DDX39A: variants seen among roughly 807,000 people sequenced by gnomAD.
DDX39A encodes ATP-dependent RNA helicase DDX39A.
Under a neutral mutation model 46.3 loss-of-function variants are expected in DDX39A, and 13 were observed. The observed-to-expected ratio is 0.28, with a 90% CI of 0.18 to 0.45. The LOEUF (loss-of-function observed/expected upper bound fraction) is 0.45. Ranked by LOEUF, DDX39A falls within the 20% of genes least tolerant of loss-of-function variation. The pLI, the probability that DDX39A is intolerant of heterozygous loss-of-function variation, is 1.00. For synonymous variants in DDX39A, 234 were observed against 224.6 expected (o/e 1.04, Z -0.38); for missense variants, 352 against 581.8 (o/e 0.61, Z 4.06).
Position 14,410,730 on chromosome 19 carries a change from C to G in DDX39A, c.613+259G>C. ...GGCCTGGAACCAACCCAACAGGTGG[C>G]AGAAGCCTCATACTCCCAGAGGTAT... On this transcript the variant is annotated intron_variant, in intron 5 of 10. Transcript: ENST00000242776. The surrounding 1 kb of genome is among the most constrained non-coding windows in gnomAD (Gnocchi z 4.3). 2 of 525,770 alleles carry G rather than the reference C, an allele frequency of 3.8e-6. No individual in the cohort carries two copies. The highest frequency in any genetic ancestry group is 3.1e-5 in the East Asian group (1 of 31,758). 32.6% of individuals were successfully genotyped at this position (525,770 alleles called of 1,614,324 possible).
Position 14,411,640 on chromosome 19 carries a change from T to C in DDX39A, c.337-42A>G, listed in dbSNP as rs1488857500. 2.6e-6 allele frequency: 4 copies of C among 1,568,262 alleles called. No homozygotes were observed. Among genetic ancestry groups the C allele is most frequent in the African/African-American group, 1.4e-5 (1 of 73,774 alleles). Reference sequence around the variant, plus strand: ...GAAGAGGGCCTTACCTTAGGCAGTGTCCTAAACCCCTTCCCCACCAGAGTC... The same window carrying C: ...GAAGAGGGCCTTACCTTAGGCAGTGCCCTAAACCCCTTCCCCACCAGAGTC... On this transcript the variant is annotated intron_variant, in intron 3 of 10. Transcript: ENST00000242776. This position sits in a 1 kb window ranked among gnomAD's most constrained non-coding sequence, Gnocchi z 4.1.
chr19:14,413,160 C>G lies in DDX39A; in HGVS notation c.61G>C (p.Ala21Pro), dbSNP rs749603588. The G allele has an allele frequency of 1.2e-6, 2 of 1,614,050 alleles. No individual in the cohort carries two copies. The highest frequency in any genetic ancestry group is 1.7e-5 in the Admixed American group (1 of 60,004). The change falls in exon 2 of 11, where the codon GCT (alanine) becomes CCT (proline). Residue 21 changes from alanine (A) to proline (P), a missense_variant. Ala to Pro is a conservative substitution (Grantham distance 27). Transcript: ENST00000242776. ...GGAGCTGGTGTGCTCTCTTGAGGAG[C>G]CTGGGGCTCTTCCTCTTCATCGTAA... ...LDYDEEEEPQ[A>P]PQESTPAPPK...
intron 1 of DDX39A, chr19:14,418,994 C>T (rs1419894585): frequency 2.2e-6 from 1 of 456,160 alleles, no homozygotes; most frequent in Non-Finnish European, 4.4e-6. Flanking sequence ...TGACAGACTC[C>T]AAGTGGGGCT....
In DDX39A at chr19:14,409,492, C is replaced by G. The variant is rs777924695; in HGVS notation, c.974+44G>C. On this transcript the variant is annotated intron_variant, in intron 8 of 10. Coordinates refer to ENST00000242776, the MANE Select transcript of DDX39A (RefSeq NM_005804.4). The surrounding 1 kb of genome is among the most constrained non-coding windows in gnomAD (Gnocchi z 8.3). ...AGTGGAGGCCGTCAGACACTGGGCT[C>G]CTGGTGGTGCTCCCTGCAGCCTTGG... is the stretch of plus-strand genomic sequence containing the variant. 4 of 1,611,754 alleles carry G rather than the reference C, an allele frequency of 2.5e-6. No homozygotes were observed. The South Asian group carries it at 3.3e-5, about 13-fold the overall frequency.
In DDX39A at chr19:14,408,807, T is replaced by G; in HGVS notation, c.*129A>C. Reference sequence around the variant, plus strand: ...CAAGATGACCAAGAAATAGATGGGGTGGGAGCCAGGCTTCCATAATAACAA... The same window carrying G: ...CAAGATGACCAAGAAATAGATGGGGGGGGAGCCAGGCTTCCATAATAACAA... On this transcript the variant is annotated 3_prime_UTR_variant, in exon 11 of 11. Coordinates refer to ENST00000242776, the MANE Select transcript of DDX39A (RefSeq NM_005804.4). The G allele has an allele frequency of 7.4e-7, 1 of 1,359,710 alleles. No homozygotes were observed. The highest frequency in any genetic ancestry group is 1.6e-5 in the South Asian group (1 of 63,970). The allele number at this position is 1,359,710 out of a possible 1,614,324, so 84.2% of individuals were successfully genotyped here.
At chr19:14,414,325 T>TTTTTTATTATTA (rs1395863016) in intron 1 of DDX39A, among the ~76,000 whole-genome samples, 9 of 133,518 alleles carry the variant, frequency 6.7e-5, no homozygotes, top group Non-Finnish European at 1.1e-4. Flanking sequence ...TATCACCTGT[T>TTTTTTATTATTA]TTATTATTAT....
Position 14,411,481 on chromosome 19 carries a change from G to A in DDX39A, c.429+25C>T. ...AGCTGCAGAAACCAAGTGGCGCCTG[G>A]TCCAGTCTGGCCCGAGGGACTCACC... On this transcript the variant is annotated intron_variant, in intron 4 of 10. Coordinates refer to ENST00000242776, the MANE Select transcript of DDX39A (RefSeq NM_005804.4). This position sits in a 1 kb window ranked among gnomAD's most constrained non-coding sequence, Gnocchi z 4.1. The A allele has an allele frequency of 6.2e-7, 1 of 1,602,068 alleles. No homozygotes were observed. Among genetic ancestry groups the A allele is most frequent in the Non-Finnish European group, 8.6e-7 (1 of 1,169,318 alleles).
chr19:14,410,303 G>A lies in DDX39A; in HGVS notation c.645C>T (p.Arg215=). The change falls in exon 6 of 11, where the codon CGC becomes CGT. Residue 215 remains arginine (R), a synonymous_variant. Coordinates refer to ENST00000242776, the MANE Select transcript of DDX39A (RefSeq NM_005804.4). The surrounding 1 kb of genome is among the most constrained non-coding windows in gnomAD (Gnocchi z 4.3). ...TGCACTGCTTCTCGTGTGGTGTCAG[G>A]CGGAAGATCTCCTGCACATCCCGCC... ...DMRRDVQEIF[R]LTPHEKQCMM... 1 of 1,614,128 alleles carries A rather than the reference G, an allele frequency of 6.2e-7. No individual in the cohort carries two copies. The highest frequency in any genetic ancestry group is 8.5e-7 in the Non-Finnish European group (1 of 1,180,010).
At chr19:14,413,307 C>T (rs1040803002) in intron 1 of DDX39A, 83 bp from the exon 2 acceptor site, 9 of 1,292,118 alleles carry the variant, frequency 7.0e-6, no homozygotes, top group East Asian at 4.9e-5. Context: ...TCTGCCGCCT[C>T]CTTCCATGAG....
chr19:14,411,347 A>G lies in DDX39A; in HGVS notation c.429+159T>C. The G allele has an allele frequency of 2.0e-6, 2 of 985,962 alleles. No individual in the cohort carries two copies. The highest frequency in any genetic ancestry group is 3.0e-6 in the Non-Finnish European group (2 of 663,784). 61.1% of individuals were successfully genotyped at this position (985,962 alleles called of 1,614,324 possible). The stretch of plus-strand genomic sequence containing the variant: ...GGACCTGCGCAGGCCCCTGGGAGCC[A>G]TGCATAATTCATCAGGCTTTTAAGG... On this transcript the variant is annotated intron_variant, in intron 4 of 10. Transcript: ENST00000242776. The surrounding 1 kb of genome is among the most constrained non-coding windows in gnomAD (Gnocchi z 4.1).
In DDX39A at chr19:14,411,448, G is replaced by A; in HGVS notation, c.429+58C>T. On this transcript the variant is annotated intron_variant, in intron 4 of 10. Coordinates refer to ENST00000242776, the MANE Select transcript of DDX39A (RefSeq NM_005804.4). The surrounding 1 kb of genome is among the most constrained non-coding windows in gnomAD (Gnocchi z 4.1). ...AAATGCTGGCTGGGCCAGAGCCGAG[G>A]CTAACAAAGCTGCAGAAACCAAGTG... is the stretch of plus-strand genomic sequence containing the variant. The A allele has an allele frequency of 6.6e-7, 1 of 1,512,470 alleles. No individual in the cohort carries two copies. The highest frequency in any genetic ancestry group is 9.2e-7 in the Non-Finnish European group (1 of 1,088,986). The allele number at this position is 1,512,470 out of a possible 1,614,324, so 93.7% of individuals were successfully genotyped here. A position where few individuals can be genotyped will look rare whatever the true frequency, so the allele number is the denominator to read the frequency against.
intron 1 of DDX39A, among the ~76,000 whole-genome samples, chr19:14,418,475 T>G (rs1976909608): frequency 6.6e-6 from 1 of 152,156 alleles, no homozygotes; most frequent in Admixed American, 6.6e-5. Context: ...CTGTTTTTTT[T>G]GAGGCAGAAT....
At chr19:14,415,206 C>G (rs533844185) in intron 1 of DDX39A, among the ~76,000 whole-genome samples, 1 of 152,258 alleles carries the variant, frequency 6.6e-6, no homozygotes, top group South Asian at 2.1e-4. Context: ...GTGGACATTT[C>G]ACATAAATGA....
chr19:14,419,243 G>A (rs1418125325), intron 1 of DDX39A, 27 bp downstream of exon 1: 3 of 252,776 alleles, frequency 1.2e-5, no homozygotes, highest in African/African-American at 4.7e-5. Context: ...CCACACCGCG[G>A]CCCCGCGCCC....
At chr19:14,415,306 T>C (rs1240516895) in intron 1 of DDX39A, among the ~76,000 whole-genome samples, 1 of 152,014 alleles carries the variant, frequency 6.6e-6, no homozygotes, top group East Asian at 1.9e-4. Flanking sequence ...TCCTTTTTTT[T>C]CCCCCCTCTT....
In DDX39A at chr19:14,409,104, A is replaced by G. The variant is rs767944545; in HGVS notation, c.1200T>C (p.Asn400=). Residue 400 remains asparagine (N), a synonymous_variant, in exon 10 of 11, where the codon AAT becomes AAC. Coordinates refer to ENST00000242776, the MANE Select transcript of DDX39A (RefSeq NM_005804.4). The surrounding 1 kb of genome is among the most constrained non-coding windows in gnomAD (Gnocchi z 8.3). ...TAACTTCAAACCGGTCCTGGACGTCATTGAGGATTTTGGCATCATTCTCGT... is the reference window on the plus strand; with the variant it reads ...TAACTTCAAACCGGTCCTGGACGTCGTTGAGGATTTTGGCATCATTCTCGT... The part of the protein sequence containing the change: ...VSDENDAKIL[N]DVQDRFEVNV... 176 of 1,614,078 alleles carry G rather than the reference A, an allele frequency of 1.1e-4. No homozygotes were observed. The highest frequency in any genetic ancestry group is 7.8e-5 in the Non-Finnish European group (92 of 1,180,052).
intron 1 of DDX39A, chr19:14,416,318 C>T (rs932995876): frequency 1.3e-5 from 2 of 152,298 alleles, no homozygotes; most frequent in African/African-American, 4.8e-5. Context: ...GGTCACAAAT[C>T]CCCCACTTCT....
chr19:14,411,203 C>G lies in DDX39A; in HGVS notation c.430-31G>C, dbSNP rs1338460426. 6.5e-7 allele frequency: 1 copy of G among 1,541,442 alleles called. No individual in the cohort carries two copies. The highest frequency in any genetic ancestry group is 1.2e-5 in the South Asian group (1 of 81,290). On this transcript the variant is annotated intron_variant, in intron 4 of 10. Transcript: ENST00000242776. The surrounding 1 kb of genome is among the most constrained non-coding windows in gnomAD (Gnocchi z 4.1). ...GGGATGAGGAGGAAACCGCTCCATGCTGATACACGGCCCAAGGCCCCAACC... is the reference window on the plus strand; with the variant it reads ...GGGATGAGGAGGAAACCGCTCCATGGTGATACACGGCCCAAGGCCCCAACC...
chr19:14,409,193 A>G lies in DDX39A; in HGVS notation c.1120-9T>C, dbSNP rs1976441876. 1.1e-5 allele frequency: 17 copies of G among 1,614,076 alleles called. No homozygotes were observed. The highest frequency in any genetic ancestry group is 1.4e-5 in the Non-Finnish European group (16 of 1,180,034). On this transcript the variant is annotated splice_polypyrimidine_tract_variant and intron_variant, in intron 9 of 10. Transcript: ENST00000242776. This position sits in a 1 kb window ranked among gnomAD's most constrained non-coding sequence, Gnocchi z 8.3. ...CGACCCGCCCGGGCCACCTGCAGGC[A>G]GACAGGATCAGGGTCAGGCCACAGA...
Sources: gnomAD v4.1 joint callset for allele counts (sites outside exome capture counted in the v4.1 genomes callset) on GRCh38, gnomAD v4.1.1 for gene constraint, Gnocchi (gnomAD v3.1) non-coding constraint, MANE v1.5 for transcripts, NCBI Gene and HGNC (gene_info 2026-07-23, HGNC 2026-07-21) for gene names.